Variants in SOS2 observed in about 807,000 individuals in gnomAD.
SOS2 encodes the protein son of sevenless homolog 2.
In SOS2, 65 loss-of-function variants were observed where a neutral mutation model predicts 148.2. That is an observed-to-expected ratio of 0.44 (90% CI 0.36 to 0.54). The LOEUF (loss-of-function observed/expected upper bound fraction) is 0.54, where lower values mean the gene tolerates loss of function less well. Among genes scored for constraint, SOS2 ranks in the 20% least tolerant of loss-of-function variants. The pLI is 0.00. For synonymous variants in SOS2, 539 were observed against 537.1 expected (o/e 1.00, Z -0.05); for missense variants, 1,341 against 1,590.2 (o/e 0.84, Z 2.67).
chr14:50,157,000 T>TAA lies in SOS2; in HGVS notation c.2054_2055dup (p.Arg686LeufsTer4). On this transcript the variant is annotated frameshift_variant and splice_region_variant, in exon 12 of 23. Coordinates refer to ENST00000216373, the MANE Select transcript of SOS2 (RefSeq NM_006939.4). LOFTEE classifies it high-confidence loss of function. ...ATATAAAAAATATTCAAGCCAAACCTAAGTTGTACTGGTTGGACATATTCC... is the reference window on the plus strand; with the variant it reads ...ATATAAAAAATATTCAAGCCAAACCTAAAAGTTGTACTGGTTGGACATATTCC... 6.4e-7 allele frequency: 1 copy of TAA among 1,572,662 alleles called. No homozygotes were observed. The highest frequency in any genetic ancestry group is 8.7e-7 in the Non-Finnish European group (1 of 1,154,262).
intron 16 of SOS2, among the ~76,000 whole-genome samples, chr14:50,140,762 CACAGAGGAT>C (rs1480618439): frequency 6.6e-6 from 1 of 152,060 alleles, no homozygotes; most frequent in Non-Finnish European, 1.5e-5. Context: ...TCACTATTCA[CACAGAGGAT>C]ATGACTGCCC....
intron 8 of SOS2, among the ~76,000 whole-genome samples, chr14:50,167,308 C>T (rs999033297): frequency 2.0e-5 from 3 of 151,936 alleles, no homozygotes; most frequent in East Asian, 3.8e-4. Flanking sequence ...TATACTCACA[C>T]ACACACAAAA....
chr14:50,147,150 C>T (rs1242046821), intron 14 of SOS2, among the ~76,000 whole-genome samples: 1 of 151,836 alleles, frequency 6.6e-6, no homozygotes, highest in South Asian at 2.1e-4. Context: ...GAGCTATGAT[C>T]ATGCCACTGC....
intron 16 of SOS2, among the ~76,000 whole-genome samples, chr14:50,141,419 A>T (rs1388617492): frequency 6.7e-6 from 1 of 150,124 alleles, no homozygotes; most frequent in Non-Finnish European, 1.5e-5. Context: ...TACTCAGGAG[A>T]CTAAGGTAGG....
chr14:50,217,412 GA>G (rs781482590), intron 1 of SOS2, among the ~76,000 whole-genome samples: 39 of 152,160 alleles, frequency 2.6e-4, no homozygotes, highest in Non-Finnish European at 5.1e-4. Context: ...AAAATTTCTA[GA>G]ACAGGCTAGG....
rs750665891 is a variant in SOS2 at position 50,188,497 on chromosome 14, A to C, written c.714T>G (p.Ser238=). The change falls in exon 5 of 23, where the codon TCT becomes TCG. Residue 238 remains serine (S), a splice_region_variant and synonymous_variant. Coordinates refer to ENST00000216373, the MANE Select transcript of SOS2 (RefSeq NM_006939.4). ...FLSDRKLFKP[S]DIEKIFSNIS... The stretch of plus-strand genomic sequence containing the variant: ...ATTTCAAACCCAAAAAGGTACTTAC[A>C]GAAGGTTTAAACAGCTTTCTATCAG... 12 of 1,592,740 alleles carry C rather than the reference A, an allele frequency of 7.5e-6. No individual in the cohort carries two copies. Among genetic ancestry groups the C allele is most frequent in the Non-Finnish European group, 1.0e-5 (12 of 1,169,962 alleles).
chr14:50,182,435 G>C (rs374595598), intron 6 of SOS2, 28 bp downstream of exon 6: 1 of 1,605,570 alleles, frequency 6.2e-7, no homozygotes, highest in African/African-American at 1.3e-5. Flanking sequence ...GGGCTTTAAT[G>C]AGAATATAAG....
In SOS2 at chr14:50,118,006, T is replaced by C. The variant is rs545557160; in HGVS notation, c.*338A>G. 1.6e-5 allele frequency: 3 copies of C among 193,376 alleles called. No homozygotes were observed. The highest frequency in any genetic ancestry group is 5.6e-5 in the Admixed American group (1 of 17,870). The allele number at this position is 193,376 out of a possible 1,614,324, so 12.0% of individuals were successfully genotyped here. A position where few individuals can be genotyped will look rare whatever the true frequency, so the allele number is the denominator to read the frequency against. On this transcript the variant is annotated 3_prime_UTR_variant, in exon 23 of 23. Transcript: ENST00000216373. ...TTAAAAAGGCATCTATTACTCAAAT[T>C]TGAAAAATTTCACAAAAGCACTATC...
chr14:50,131,721 A>G (rs114766951), intron 19 of SOS2, among the ~76,000 whole-genome samples: 419 of 152,316 alleles, frequency 2.8e-3, no homozygotes, highest in African/African-American at 9.7e-3. Context: ...TGAGATCACT[A>G]ATACTTTATG....
chr14:50,228,558 T>A (rs778757893), intron 1 of SOS2, among the ~76,000 whole-genome samples: 3 of 152,220 alleles, frequency 2.0e-5, no homozygotes, highest in Non-Finnish European at 4.4e-5. Context: ...TTGATACATG[T>A]TCATTTACAT....
At chr14:50,200,055 TAAC>T (rs1886437635) in intron 3 of SOS2, among the ~76,000 whole-genome samples, 200 bp from the exon 4 acceptor site, 1 of 152,220 alleles carries the variant, frequency 6.6e-6, no homozygotes, top group Non-Finnish European at 1.5e-5. Context: ...ACATCTAATC[TAAC>T]AACTCTGCCT....
chr14:50,135,877 CTATA>C lies in SOS2; in HGVS notation c.2959-1642_2959-1639del, dbSNP rs561690044. 2.0e-3 allele frequency among the ~76,000 whole-genome samples: 308 copies of C among 151,600 alleles called. 2 individuals are homozygous for C. Among genetic ancestry groups the C allele is most frequent in the African/African-American group, 6.4e-3 (264 of 41,370 alleles). On this transcript the variant is annotated intron_variant, in intron 18 of 22. Transcript: ENST00000216373. ...TTATAATAATTATTTTTATTAACTC[CTATA>C]TATAAATTTTTCTGTACATTTTTTA...
intron 1 of SOS2, among the ~76,000 whole-genome samples, chr14:50,228,695 C>A (rs1225587780): frequency 6.6e-6 from 1 of 152,170 alleles, no homozygotes; most frequent in African/African-American, 2.4e-5. Flanking sequence ...TTCATAGACA[C>A]ACAAATACCC....
intron 1 of SOS2, among the ~76,000 whole-genome samples, chr14:50,220,851 T>C (rs146460589): frequency 2.0e-5 from 3 of 152,356 alleles, no homozygotes; most frequent in African/African-American, 7.2e-5. Flanking sequence ...TTTCTTTGAA[T>C]GGCCTATGAC....
intron 3 of SOS2, 27 bp downstream of exon 3, chr14:50,200,926 C>A (rs954602328): frequency 1.2e-6 from 2 of 1,607,198 alleles, no homozygotes; most frequent in Admixed American, 1.7e-5. Context: ...AAGAACACCC[C>A]CCAACTAATG....
At chr14:50,172,262 T>C (rs1885388181) in intron 8 of SOS2, among the ~76,000 whole-genome samples, 1 of 152,158 alleles carries the variant, frequency 6.6e-6, no homozygotes, top group Non-Finnish European at 1.5e-5. Context: ...TCAAATCTTT[T>C]GCCATTTCTA....
intron 4 of SOS2, among the ~76,000 whole-genome samples, chr14:50,189,855 T>TTA (rs1886068901): frequency 7.9e-6 from 1 of 127,320 alleles, no homozygotes; most frequent in African/African-American, 3.3e-5. Flanking sequence ...TTTTTATTTT[T>TTA]TTTTTTTTTG....
chr14:50,222,092 A>T (rs532757315), intron 1 of SOS2, among the ~76,000 whole-genome samples: 1 of 152,302 alleles, frequency 6.6e-6, no homozygotes, highest in East Asian at 1.9e-4. Flanking sequence ...GTGTATTTTT[A>T]AAAAATGATG....
chr14:50,135,089 A>AAAAAAAAGAAAGAAAGAAAGAAAGAAAG (rs1555368583), intron 18 of SOS2, among the ~76,000 whole-genome samples: 1 of 131,536 alleles, frequency 7.6e-6, no homozygotes, highest in Non-Finnish European at 1.6e-5. Flanking sequence ...AAAAAAAAAA[A>AAAAAAAAGAAAGAAAGAAAGAAAGAAAG]AAAGAAAGAA....
Sources: allele counts gnomAD v4.1 joint callset (sites outside exome capture counted in the v4.1 genomes callset), GRCh38; gene constraint gnomAD v4.1.1; transcripts MANE v1.5; gene names NCBI Gene and HGNC (gene_info 2026-07-23, HGNC 2026-07-21).